Variants in IQCH observed in about 807,000 individuals in gnomAD.
IQCH encodes IQ motif containing H, also known as IQ domain-containing protein H.
A neutral mutation model predicts 117.0 loss-of-function variants in IQCH; 98 were observed. The ratio of observed to expected loss-of-function variants is 0.84; its 90% CI spans 0.71 to 0.99. The LOEUF (loss-of-function observed/expected upper bound fraction) is 0.99. Among genes scored for constraint, IQCH ranks in the 50% least tolerant of loss-of-function variants. IQCH has a pLI of 0.00. For missense variants in IQCH, 1,102 were observed against 1,243.8 expected (o/e 0.89, Z 1.72); for synonymous variants, 412 against 448.2 (o/e 0.92, Z 1.02).
chr15:67,274,739 T>G (rs1272249063), intron 3 of IQCH, among the ~76,000 whole-genome samples: 2 of 152,234 alleles, frequency 1.3e-5, no homozygotes, highest in Non-Finnish European at 2.9e-5. Context: ...TTCTTTGCAT[T>G]AAAGGATTAG....
chr15:67,458,773 G>GGGCTGTGA lies in IQCH; in HGVS notation c.2506-6353_2506-6346dup, dbSNP rs1260085954. ...CAATGCTGGATTTTCTGTCGAACTG[G>GGGCTGTGA]GGCTGTGAATGCTGTGAACATGGGC... On this transcript the variant is annotated intron_variant, in intron 16 of 20. Coordinates refer to ENST00000335894, the MANE Select transcript of IQCH (RefSeq NM_001031715.3). This position sits in a 1 kb window ranked among gnomAD's most constrained non-coding sequence, Gnocchi z 4.1. Among the ~76,000 whole-genome samples, 1 of 152,164 alleles carries GGGCTGTGA rather than the reference G, an allele frequency of 6.6e-6. No individual in the cohort carries two copies. The highest frequency in any genetic ancestry group is 2.4e-5 in the African/African-American group (1 of 41,432).
In IQCH at chr15:67,406,883, A is replaced by C. The variant is rs1167204965; in HGVS notation, c.2097+6578A>C. On this transcript the variant is annotated intron_variant, in intron 14 of 20. Transcript: ENST00000335894. The surrounding 1 kb of genome is among the most constrained non-coding windows in gnomAD (Gnocchi z 4.5). ...AATTGGCTAGCAGTGTGCTTAGCAC[A>C]TAATAAGACTTTAAGAAATGCTACC... The C allele has an allele frequency of 6.6e-6, 1 of 152,282 alleles. No individual in the cohort carries two copies. The highest frequency in any genetic ancestry group is 1.5e-5 in the Non-Finnish European group (1 of 68,048). 9.4% of individuals were successfully genotyped at this position (152,282 alleles called of 1,614,324 possible).
At chr15:67,260,317 T>C (rs1463558731) in intron 1 of IQCH, among the ~76,000 whole-genome samples, 2 of 152,232 alleles carry the variant, frequency 1.3e-5, no homozygotes, top group Non-Finnish European at 1.5e-5. Context: ...GGGTGCCTGA[T>C]GTTGGAGAGA....
intron 4 of IQCH, among the ~76,000 whole-genome samples, chr15:67,326,180 T>C (rs1424824499): frequency 2.0e-5 from 3 of 152,144 alleles, no homozygotes; most frequent in Admixed American, 6.5e-5. Context: ...AGTGTTCTCA[T>C]TGTTCAATTC....
chr15:67,333,561 ACTTTTGT>A (rs1355590154), intron 4 of IQCH, among the ~76,000 whole-genome samples: 1 of 152,128 alleles, frequency 6.6e-6, no homozygotes, highest in Non-Finnish European at 1.5e-5. Context: ...GATCTCTTAA[ACTTTTGT>A]CTTTTGTATT....
At chr15:67,350,529 C>T (rs1190296781) in intron 6 of IQCH, among the ~76,000 whole-genome samples, 1 of 152,068 alleles carries the variant, frequency 6.6e-6, no homozygotes, top group Non-Finnish European at 1.5e-5. Context: ...CAGGTTCAAG[C>T]AATTCTCCTG....
At chr15:67,339,677 TA>T (rs1249476326) in intron 5 of IQCH, among the ~76,000 whole-genome samples, 1 of 152,154 alleles carries the variant, frequency 6.6e-6, no homozygotes, top group Admixed American at 6.5e-5. Flanking sequence ...TTCTAAAACT[TA>T]AAAAAATTCT....
At chr15:67,326,042 G>A (rs776046338) in intron 4 of IQCH, among the ~76,000 whole-genome samples, 31 of 152,174 alleles carry the variant, frequency 2.0e-4, no homozygotes, top group Non-Finnish European at 4.1e-4. Context: ...GTGTGTGCGT[G>A]TGCCATGTTG....
chr15:67,371,248 T>C (rs962528642), intron 8 of IQCH, among the ~76,000 whole-genome samples: 2 of 152,144 alleles, frequency 1.3e-5, no homozygotes, highest in African/African-American at 4.8e-5. Context: ...TTCAGTAGAA[T>C]AGGTTCTGAG....
chr15:67,441,965 A>T (rs1038567047), intron 16 of IQCH, among the ~76,000 whole-genome samples: 3 of 152,236 alleles, frequency 2.0e-5, no homozygotes, highest in African/African-American at 7.2e-5. Flanking sequence ...AGTGGGAGAA[A>T]GTCTTTGCCA....
Position 67,411,499 on chromosome 15 carries a change from T to C in IQCH, c.2098-5432T>C, listed in dbSNP as rs2081449341. ...AGAAAGCATCTAGAAATCAGAACCA[T>C]GTAGGCAGGTCCCTTGATTTTCTTT... On this transcript the variant is annotated intron_variant, in intron 14 of 20. Transcript: ENST00000335894. This position sits in a 1 kb window ranked among gnomAD's most constrained non-coding sequence, Gnocchi z 4.4. Among the ~76,000 whole-genome samples the C allele has an allele frequency of 6.6e-6, 1 of 152,212 alleles. No individual in the cohort carries two copies. The highest frequency in any genetic ancestry group is 1.5e-5 in the Non-Finnish European group (1 of 68,038).
chr15:67,270,766 A>G (rs1039198292), intron 3 of IQCH, among the ~76,000 whole-genome samples: 1 of 152,208 alleles, frequency 6.6e-6, no homozygotes, highest in African/African-American at 2.4e-5. Flanking sequence ...CTGCAGAACC[A>G]TGAGCCAAAT....
Position 67,387,203 on chromosome 15 carries a change from G to A in IQCH, c.1457-1628G>A, listed in dbSNP as rs1305111594. Among the ~76,000 whole-genome samples, 1 of 152,036 alleles carries A rather than the reference G, an allele frequency of 6.6e-6. No individual in the cohort carries two copies. Among genetic ancestry groups the A allele is most frequent in the Non-Finnish European group, 1.5e-5 (1 of 68,018 alleles). On this transcript the variant is annotated intron_variant, in intron 11 of 20. Transcript: ENST00000335894. This position sits in a 1 kb window ranked among gnomAD's most constrained non-coding sequence, Gnocchi z 4.8. ...TGCCTCCTCAGTTAATTTATTTTGA[G>A]GTTTATGCTTCAAAATTAAATGGGA...
intron 14 of IQCH, among the ~76,000 whole-genome samples, chr15:67,414,665 T>A (rs4776928): frequency 0.43 from 57,459 of 135,170 alleles, 12,056 homozygotes; most frequent in Non-Finnish European, 0.5. Context: ...AAAAAAAAAA[T>A]ATATATATAT....
Position 67,421,351 on chromosome 15 carries a change from T to G in IQCH, c.2279T>G (p.Leu760Arg). The G allele has an allele frequency of 6.2e-7, 1 of 1,614,188 alleles. No homozygotes were observed. The highest frequency in any genetic ancestry group is 8.5e-7 in the Non-Finnish European group (1 of 1,180,012). ...GTCACCAACCTCACAGTGGACATGCTGATAGAGCCCAACGGGAAAATCAGC... is the reference window on the plus strand; with the variant it reads ...GTCACCAACCTCACAGTGGACATGCGGATAGAGCCCAACGGGAAAATCAGC... Reference protein sequence around the residue: ...DNVTNLTVDMLIEPNGKISVL... With the variant: ...DNVTNLTVDMRIEPNGKISVL... Residue 760 changes from leucine (L) to arginine (R), a missense_variant, in exon 16 of 21, where the codon CTG (leucine) becomes CGG (arginine). Physicochemically the swap from Leu to Arg is moderately radical, Grantham distance 102. Coordinates refer to ENST00000335894, the MANE Select transcript of IQCH (RefSeq NM_001031715.3).
At position 67,372,108 on chromosome 15, in the gene IQCH, C is replaced by T. The variant is rs1340993231; in HGVS notation, c.754-3C>T. The stretch of plus-strand genomic sequence containing the variant: ...TCTAAAATATATTTCTTTTTTTCCA[C>T]AGGCCATGAAAGTCAAAACACCTTT... On this transcript the variant is annotated splice_region_variant and splice_polypyrimidine_tract_variant and intron_variant, in intron 8 of 20. Transcript: ENST00000335894. 6 of 1,577,684 alleles carry T rather than the reference C, an allele frequency of 3.8e-6. No individual in the cohort carries two copies. In the East Asian group the frequency reaches 9.0e-5, roughly 24 times the overall value.
chr15:67,276,365 G>A lies in IQCH; in HGVS notation c.270-3030G>A, dbSNP rs147109808. 5.9e-3 allele frequency among the ~76,000 whole-genome samples: 898 copies of A among 152,300 alleles called. 10 individuals carry two copies. The highest frequency in any genetic ancestry group is 0.021 in the African/African-American group (863 of 41,560). Reference sequence around the variant, plus strand: ...CAAACTTTAAAAGACTCTGAAAGACGGAGAGAAGAAGGCAGACCAGCTGAG... The same window carrying A: ...CAAACTTTAAAAGACTCTGAAAGACAGAGAGAAGAAGGCAGACCAGCTGAG... On this transcript the variant is annotated intron_variant, in intron 3 of 20. Coordinates refer to ENST00000335894, the MANE Select transcript of IQCH (RefSeq NM_001031715.3).
intron 6 of IQCH, among the ~76,000 whole-genome samples, chr15:67,353,600 TC>T (rs1300256554): frequency 2.6e-5 from 4 of 152,044 alleles, no homozygotes; most frequent in Non-Finnish European, 5.9e-5. Flanking sequence ...GCTCAGGCAA[TC>T]CGCCCACCTT....
At chr15:67,273,757 G>C (rs1966004376) in intron 3 of IQCH, among the ~76,000 whole-genome samples, 1 of 152,158 alleles carries the variant, frequency 6.6e-6, no homozygotes, top group Non-Finnish European at 1.5e-5. Flanking sequence ...AATTTTACCA[G>C]TGAGTTTTTT....
Sources: allele counts gnomAD v4.1 joint callset (sites outside exome capture counted in the v4.1 genomes callset), GRCh38; gene constraint gnomAD v4.1.1; non-coding constraint Gnocchi (gnomAD v3.1); transcripts MANE v1.5; gene names NCBI Gene and HGNC (gene_info 2026-07-23, HGNC 2026-07-21).